Variants in ARID5A observed in about 807,000 individuals in gnomAD.
ARID5A encodes the protein AT-rich interactive domain-containing protein 5A.
In ARID5A, 14 loss-of-function variants were observed where a neutral mutation model predicts 30.5. That is an observed-to-expected ratio of 0.46 (90% confidence interval 0.30 to 0.72). The LOEUF (loss-of-function observed/expected upper bound fraction) is 0.72. ARID5A is among the 30% of genes least tolerant of loss of function. The probability of loss-of-function intolerance (pLI) is 0.07; values close to 1 mark genes in which losing one functional copy is unlikely to be tolerated. For missense variants in ARID5A, 669 were observed against 786.2 expected, an observed-to-expected ratio of 0.85 and a Z score of 1.78; for synonymous variants, 338 against 340.4, an observed-to-expected ratio of 0.99 and a Z score of 0.08.
At chr2:96,545,953 C>CA (rs530218997) in intron 1 of ARID5A, among the ~76,000 whole-genome samples, 2,069 of 129,928 alleles carry the variant, frequency 0.016, 40 homozygotes, top group South Asian at 0.05. Context: ...GATTCTGACT[C>CA]AAAAAAAAAA....
In ARID5A at chr2:96,551,811, GC is replaced by G; in HGVS notation, c.1287del (p.Thr430ArgfsTer80). 6.3e-7 allele frequency: 1 copy of G among 1,590,898 alleles called. No individual in the cohort carries two copies. Among genetic ancestry groups the G allele is most frequent in the Non-Finnish European group, 8.5e-7 (1 of 1,170,350 alleles). On this transcript the variant is annotated frameshift_variant, in exon 7 of 7. Transcript: ENST00000357485. LOFTEE classifies it low-confidence loss of function (END_TRUNC). Reference protein sequence around the residue: ...VSPMAKVPAESPTLPPTFPSS... With the variant: ...VSPMAKVPAEXPTLPPTFPSS... ...CCCATGGCCAAGGTCCCAGCCGAGA[GC>G]CCCACGCTCCCGCCCACCTTCCCCA...
At position 96,552,334 on chromosome 2, in the gene ARID5A, A is replaced by G. The variant is rs888926873; in HGVS notation, c.*21A>G. On this transcript the variant is annotated 3_prime_UTR_variant, in exon 7 of 7. Transcript: ENST00000357485. Reference sequence around the variant, plus strand: ...TGTAGGCCAGCCCATGGTGTTGTGTACACTGTGGAGTCGACAGGGGCCTAC... The same window carrying G: ...TGTAGGCCAGCCCATGGTGTTGTGTGCACTGTGGAGTCGACAGGGGCCTAC... 6.9e-5 allele frequency: 111 copies of G among 1,613,128 alleles called. No homozygotes were observed. The highest frequency in any genetic ancestry group is 9.2e-5 in the Non-Finnish European group (109 of 1,180,004).
chr2:96,549,751 A>G lies in ARID5A; in HGVS notation c.260-2A>G. The stretch of plus-strand genomic sequence containing the variant: ...CGGCCAGCCTGCTCTTCTCTCCCCC[A>G]GTTAACCTGTGGAAGATCTACAAAG... On this transcript the variant is annotated splice_acceptor_variant, in intron 3 of 6. Transcript: ENST00000357485. LOFTEE classifies it high-confidence loss of function. This position sits in a 1 kb window ranked among gnomAD's most constrained non-coding sequence, Gnocchi z 6.1. 1 of 1,613,642 alleles carries G rather than the reference A, an allele frequency of 6.2e-7. No individual in the cohort carries two copies. Among genetic ancestry groups the G allele is most frequent in the Non-Finnish European group, 8.5e-7 (1 of 1,179,850 alleles).
chr2:96,541,297 A>G (rs1050537112), intron 1 of ARID5A, among the ~76,000 whole-genome samples: 1 of 152,188 alleles, frequency 6.6e-6, no homozygotes, highest in Admixed American at 6.5e-5. Flanking sequence ...CGGCCTCCCA[A>G]AGTGTTTTTG....
chr2:96,550,262 G>A lies in ARID5A; in HGVS notation c.387G>A (p.Thr129=), dbSNP rs1300151899. 3 of 1,483,852 alleles carry A rather than the reference G, an allele frequency of 2.0e-6. No individual in the cohort carries two copies. Among genetic ancestry groups the A allele is most frequent in the Non-Finnish European group, 2.7e-6 (3 of 1,124,148 alleles). The allele number at this position is 1,483,852 out of a possible 1,614,324, so 91.9% of individuals were successfully genotyped here. The change falls in exon 5 of 7, where the codon ACG becomes ACA. Residue 129 remains threonine (T), a synonymous_variant. Coordinates refer to ENST00000357485, the MANE Select transcript of ARID5A (RefSeq NM_212481.3). This position sits in a 1 kb window ranked among gnomAD's most constrained non-coding sequence, Gnocchi z 6.6. ...GGSPGSTSAA[T]CTRRHYERLV... ...GCCCAGGCAGCACCAGCGCGGCCACGTGCACGCGCCGCCACTACGAGAGGT... is the reference window on the plus strand; with the variant it reads ...GCCCAGGCAGCACCAGCGCGGCCACATGCACGCGCCGCCACTACGAGAGGT...
At chr2:96,546,079 G>T (rs2065923017) in intron 1 of ARID5A, among the ~76,000 whole-genome samples, 1 of 152,192 alleles carries the variant, frequency 6.6e-6, no homozygotes, top group African/African-American at 2.4e-5. Flanking sequence ...CAACATGGAG[G>T]GAAGACATAA....
Position 96,549,467 on chromosome 2 carries a change from C to T in ARID5A, c.259+8C>T. On this transcript the variant is annotated splice_region_variant and intron_variant, in intron 3 of 6. Coordinates refer to ENST00000357485, the MANE Select transcript of ARID5A (RefSeq NM_212481.3). The surrounding 1 kb of genome is among the most constrained non-coding windows in gnomAD (Gnocchi z 6.1). ...ATCTCGGCTTCAAGCAGAGTGCGTCCCTGGGGTGCAGGCAGGGAGGGGGGC... is the reference window on the plus strand; with the variant it reads ...ATCTCGGCTTCAAGCAGAGTGCGTCTCTGGGGTGCAGGCAGGGAGGGGGGC... The T allele has an allele frequency of 6.2e-7, 1 of 1,611,130 alleles. No individual in the cohort carries two copies. Among genetic ancestry groups the T allele is most frequent in the Non-Finnish European group, 8.5e-7 (1 of 1,178,350 alleles).
At position 96,551,351 on chromosome 2, in the gene ARID5A, T is replaced by G. The variant is rs767184713; in HGVS notation, c.823T>G (p.Cys275Gly). Residue 275 changes from cysteine (C) to glycine (G), a missense_variant, in exon 7 of 7, where the codon TGC becomes GGC. Transcript: ENST00000357485. ...AQVSKVEALQCQEEGCRHGAE... is the reference protein window; with the variant it reads ...AQVSKVEALQGQEEGCRHGAE... ...GGTGAGCAAGGTGGAGGCCTTGCAG[T>G]GCCAGGAGGAGGGCTGCCGCCATGG... 42 of 1,613,146 alleles carry G rather than the reference T, an allele frequency of 2.6e-5. No individual in the cohort carries two copies. The highest frequency in any genetic ancestry group is 3.4e-5 in the Non-Finnish European group (40 of 1,179,890).
At chr2:96,538,757 T>C (rs902007826) in intron 1 of ARID5A, among the ~76,000 whole-genome samples, 1 of 152,234 alleles carries the variant, frequency 6.6e-6, no homozygotes, top group Non-Finnish European at 1.5e-5. Flanking sequence ...CGGCGTCTGC[T>C]GGTTGTTATT....
chr2:96,541,138 A>G (rs1032163341), intron 1 of ARID5A, among the ~76,000 whole-genome samples: 1 of 151,804 alleles, frequency 6.6e-6, no homozygotes, highest in Non-Finnish European at 1.5e-5. Flanking sequence ...CCTGGGTTCA[A>G]GCGATTCTCC....
intron 1 of ARID5A, among the ~76,000 whole-genome samples, chr2:96,545,469 T>C (rs1373946567): frequency 6.6e-6 from 1 of 152,106 alleles, no homozygotes; most frequent in Non-Finnish European, 1.5e-5. Context: ...AGTGGCTTCT[T>C]GAGGTGGAAT....
At position 96,551,421 on chromosome 2, in the gene ARID5A, C is replaced by T. The variant is rs375669772; in HGVS notation, c.893C>T (p.Pro298Leu). The T allele has an allele frequency of 5.6e-6, 9 of 1,601,188 alleles. No individual in the cohort carries two copies. Among genetic ancestry groups the T allele is most frequent in the South Asian group, 1.1e-5 (1 of 89,924 alleles). Residue 298 changes from proline to leucine, a missense_variant, in exon 7 of 7, where the codon CCC becomes CTC. Coordinates refer to ENST00000357485, the MANE Select transcript of ARID5A (RefSeq NM_212481.3). ...ASPAVHLPES[P>L]QSPKGLTENS... is the part of the protein sequence containing the mutation. ...CCAGCTGTTCACCTCCCAGAGAGTC[C>T]CCAGAGCCCCAAAGGGCTGACTGAG...
In ARID5A at chr2:96,550,829, A is replaced by G; in HGVS notation, c.570+96A>G. 7.0e-7 allele frequency: 1 copy of G among 1,437,020 alleles called. No homozygotes were observed. The highest frequency in any genetic ancestry group is 1.4e-5 in the African/African-American group (1 of 69,502). The allele number at this position is 1,437,020 out of a possible 1,614,324, so 89.0% of individuals were successfully genotyped here. On this transcript the variant is annotated intron_variant, in intron 6 of 6. Transcript: ENST00000357485. This position sits in a 1 kb window ranked among gnomAD's most constrained non-coding sequence, Gnocchi z 6.6. ...GGCCGCGGAGCTGTCTGCTCAGAAT[A>G]CACAGAACCTGCACCCAGGGCGGGA...
At chr2:96,542,991 G>A (rs115640040) in intron 1 of ARID5A, among the ~76,000 whole-genome samples, 1,547 of 152,328 alleles carry the variant, frequency 0.01, 24 homozygotes, top group African/African-American at 0.035. Flanking sequence ...CAGAGTCACA[G>A]AGGACTTGGT....
At position 96,550,004 on chromosome 2, in the gene ARID5A, T is replaced by A; in HGVS notation, c.313-184T>A. 2 of 1,534,396 alleles carry A rather than the reference T, an allele frequency of 1.3e-6. No individual in the cohort carries two copies. Among genetic ancestry groups the A allele is most frequent in the East Asian group, 2.4e-5 (1 of 40,880 alleles). On this transcript the variant is annotated intron_variant, in intron 4 of 6. Coordinates refer to ENST00000357485, the MANE Select transcript of ARID5A (RefSeq NM_212481.3). The surrounding 1 kb of genome is among the most constrained non-coding windows in gnomAD (Gnocchi z 6.6). ...CCCCATCTGTTCTGCCCGCCCCGTG[T>A]TGGGAAAACTGCTTGGGCCAGCAGT...
At position 96,551,858 on chromosome 2, in the gene ARID5A, A is replaced by G. The variant is rs751362300; in HGVS notation, c.1330A>G (p.Lys444Glu). ...TFPSSPGLGS[K>E]RSLEEEGAAH... ...CCCCAGTAGCCCAGGCCTGGGCAGC[A>G]AGCGCAGCCTGGAGGAAGAGGGTGC... The change falls in exon 7 of 7, where the codon AAG becomes GAG. Residue 444 changes from lysine to glutamate, a missense_variant. Around this residue, in one of 4 missense-constraint regions of ARID5A, gnomAD observed 548 missense variants for 577.4 expected, o/e 0.95. Coordinates refer to ENST00000357485, the MANE Select transcript of ARID5A (RefSeq NM_212481.3). 4 of 1,593,996 alleles carry G rather than the reference A, an allele frequency of 2.5e-6. No homozygotes were observed. The Admixed American group carries it at 7.2e-5, about 29-fold the overall frequency.
In ARID5A at chr2:96,539,201, C is replaced by G. The variant is rs771832879; in HGVS notation, c.4+2371C>G. Among the ~76,000 whole-genome samples, 5 of 152,200 alleles carry G rather than the reference C, an allele frequency of 3.3e-5. No homozygotes were observed. Among genetic ancestry groups the G allele is most frequent in the Admixed American group, 6.5e-5 (1 of 15,282 alleles). ...GGCACATTGAGTCTAGCACGCCCAT[C>G]TTGTAGATGGGGAAAGGGAGATACA... On this transcript the variant is annotated intron_variant, in intron 1 of 6. Coordinates refer to ENST00000357485, the MANE Select transcript of ARID5A (RefSeq NM_212481.3). The surrounding 1 kb of genome is among the most constrained non-coding windows in gnomAD (Gnocchi z 4.7).
intron 1 of ARID5A, among the ~76,000 whole-genome samples, chr2:96,540,190 C>A (rs1392105442): frequency 6.6e-6 from 1 of 152,204 alleles, no homozygotes; most frequent in Non-Finnish European, 1.5e-5. Flanking sequence ...AACAAGTAGA[C>A]CTATGGGAGC....
chr2:96,551,633 G>A lies in ARID5A; in HGVS notation c.1105G>A (p.Gly369Arg), dbSNP rs1423386327. The A allele has an allele frequency of 2.6e-6, 4 of 1,534,906 alleles. No individual in the cohort carries two copies. Among genetic ancestry groups the A allele is most frequent in the East Asian group, 2.3e-5 (1 of 44,286 alleles). The part of the protein sequence containing the change: ...PRDFFSRLKD[G>R]VLLGPPGKEG... Reference sequence around the variant, plus strand: ...GGACTTCTTCTCTAGACTTAAAGATGGGGTGCTATTGGGGCCTCCTGGCAA... The same window carrying A: ...GGACTTCTTCTCTAGACTTAAAGATAGGGTGCTATTGGGGCCTCCTGGCAA... The change falls in exon 7 of 7, where the codon GGG becomes AGG. Residue 369 changes from glycine to arginine, a missense_variant. By Grantham distance (125) the Gly-to-Arg change is moderately radical. Around this residue, in one of 4 missense-constraint regions of ARID5A, gnomAD observed 548 missense variants for 577.4 expected, o/e 0.95. Coordinates refer to ENST00000357485, the MANE Select transcript of ARID5A (RefSeq NM_212481.3).
Sources: allele counts gnomAD v4.1 joint callset (sites outside exome capture counted in the v4.1 genomes callset), GRCh38; gene constraint gnomAD v4.1.1; regional missense constraint gnomAD v4.1.1; non-coding constraint Gnocchi (gnomAD v3.1); transcripts MANE v1.5; gene names NCBI Gene and HGNC (gene_info 2026-07-23, HGNC 2026-07-21).